Variants in CSMD3 observed in about 807,000 individuals in gnomAD.
CSMD3 encodes CUB and Sushi multiple domains 3, also known as CUB and sushi domain-containing protein 3.
A neutral mutation model predicts 435.2 loss-of-function variants in CSMD3; 177 were observed. The ratio of observed to expected loss-of-function variants is 0.41; its 90% CI spans 0.36 to 0.46. CSMD3 has a LOEUF of 0.46. CSMD3 is among the 20% of genes least tolerant of loss of function. CSMD3 has a pLI of 0.34. For missense variants in CSMD3, 4,265 were observed against 4,504.6 expected, an observed-to-expected ratio of 0.95 and a Z score of 1.52; for synonymous variants, 1,656 against 1,520.5, an observed-to-expected ratio of 1.09 and a Z score of -2.07.
chr8:112,846,860 T>G (rs2080337028), intron 11 of CSMD3, among the ~76,000 whole-genome samples: 1 of 152,102 alleles, frequency 6.6e-6, no homozygotes. Context: ...TAGGAATAGT[T>G]AAGGTACTGC....
chr8:113,135,760 T>G (rs1033061974), intron 4 of CSMD3, among the ~76,000 whole-genome samples: 3 of 151,866 alleles, frequency 2.0e-5, no homozygotes, highest in Non-Finnish European at 4.4e-5. Flanking sequence ...AATTAGGAAC[T>G]CTTAGAGAAT....
At chr8:112,692,055 G>A (rs1056038636) in intron 13 of CSMD3, among the ~76,000 whole-genome samples, 5 of 151,834 alleles carry the variant, frequency 3.3e-5, no homozygotes, top group African/African-American at 1.2e-4. Flanking sequence ...CGCCCTCCTT[G>A]GTCTCCCAAA....
intron 17 of CSMD3, among the ~76,000 whole-genome samples, chr8:112,665,229 C>T (rs1029996945): frequency 2.0e-5 from 3 of 152,132 alleles, no homozygotes; most frequent in African/African-American, 7.2e-5. Flanking sequence ...TAAATACTTT[C>T]TGCCCATTTG....
intron 26 of CSMD3, among the ~76,000 whole-genome samples, chr8:112,551,493 C>T (rs1358151672): frequency 6.6e-6 from 1 of 152,074 alleles, no homozygotes; most frequent in Non-Finnish European, 1.5e-5. Flanking sequence ...ACATGCTCAA[C>T]TCTACATACA....
chr8:113,348,528 G>C (rs1267507582), intron 1 of CSMD3, among the ~76,000 whole-genome samples: 1 of 152,054 alleles, frequency 6.6e-6, no homozygotes, highest in Non-Finnish European at 1.5e-5. Flanking sequence ...GATGAAGCAG[G>C]GAGGAAGATG....
chr8:112,387,234 C>T (rs1050932547), intron 36 of CSMD3, among the ~76,000 whole-genome samples: 25 of 152,004 alleles, frequency 1.6e-4, no homozygotes, highest in East Asian at 1.3e-3. Flanking sequence ...TTCAATTATT[C>T]TATATTATTG....
At chr8:112,832,332 T>C (rs1366888956) in intron 11 of CSMD3, among the ~76,000 whole-genome samples, 1 of 152,118 alleles carries the variant, frequency 6.6e-6, no homozygotes, top group African/African-American at 2.4e-5. Flanking sequence ...TATGATTAGT[T>C]TATATTATAT....
At chr8:112,664,530 G>A (rs558869507) in intron 17 of CSMD3, among the ~76,000 whole-genome samples, 3 of 152,248 alleles carry the variant, frequency 2.0e-5, no homozygotes, top group Admixed American at 6.5e-5. Context: ...ACAACAAAAT[G>A]CCAAATGAAT....
intron 13 of CSMD3, among the ~76,000 whole-genome samples, chr8:112,793,823 C>T (rs1184162000): frequency 6.6e-6 from 1 of 152,154 alleles, no homozygotes; most frequent in African/African-American, 2.4e-5. Context: ...TTTACTCATT[C>T]AGGTAAGTTA....
intron 3 of CSMD3, among the ~76,000 whole-genome samples, chr8:113,244,945 T>C (rs1361660640): frequency 1.3e-5 from 2 of 152,188 alleles, no homozygotes; most frequent in African/African-American, 2.4e-5. Context: ...CTTTCATTTA[T>C]GTCAATTTTT....
At chr8:112,236,075 T>C (rs1460486219) in intron 67 of CSMD3, among the ~76,000 whole-genome samples, 1 of 151,990 alleles carries the variant, frequency 6.6e-6, no homozygotes, top group African/African-American at 2.4e-5. Context: ...AAAATTATAC[T>C]ACATATTAAC....
chr8:112,524,601 CAT>C (rs971358694), intron 27 of CSMD3, among the ~76,000 whole-genome samples: 1 of 151,756 alleles, frequency 6.6e-6, no homozygotes, highest in East Asian at 1.9e-4. Context: ...AAAATAATAA[CAT>C]GTGTATCAAA....
intron 27 of CSMD3, among the ~76,000 whole-genome samples, chr8:112,549,771 T>C (rs1266710943): frequency 6.6e-6 from 1 of 152,036 alleles, no homozygotes; most frequent in Non-Finnish European, 1.5e-5. Context: ...TTGTTATTCC[T>C]ACGTCAATTA....
Position 112,314,608 on chromosome 8 carries a change from G to A in CSMD3, c.7370C>T (p.Pro2457Leu), listed in dbSNP as rs768839533. The change falls in exon 48 of 71, where the codon CCT (proline) becomes CTT (leucine). Residue 2457 changes from proline (P) to leucine (L), a missense_variant. Around this residue, in one of 3 missense-constraint regions of CSMD3, gnomAD observed 3,255 missense variants for 3,380.2 expected, o/e 0.96. Coordinates refer to ENST00000297405, the MANE Select transcript of CSMD3 (RefSeq NM_198123.2). ...AGAATCTAGCCGTAATTCATTGGCA[G>A]GACAGAGCACTGTCAAAGAAAAATG... ...GAPPVCQVLC[P>L]ANELRLDSTG... 2 of 1,611,216 alleles carry A rather than the reference G, an allele frequency of 1.2e-6. No homozygotes were observed. The highest frequency in any genetic ancestry group is 1.3e-5 in the African/African-American group (1 of 74,798).
At chr8:112,658,894 G>T (rs1227545241) in intron 17 of CSMD3, among the ~76,000 whole-genome samples, 1 of 152,112 alleles carries the variant, frequency 6.6e-6, no homozygotes, top group Admixed American at 6.5e-5. Context: ...GGCGGAGGTT[G>T]CAGTGGGCCG....
chr8:112,356,954 T>C (rs1313100694), intron 38 of CSMD3, among the ~76,000 whole-genome samples: 1 of 151,986 alleles, frequency 6.6e-6, no homozygotes, highest in Non-Finnish European at 1.5e-5. Context: ...ATATCGTAAA[T>C]TGGTACCAGT....
At chr8:112,439,303 G>T (rs371689454) in intron 32 of CSMD3, among the ~76,000 whole-genome samples, 10 of 152,026 alleles carry the variant, frequency 6.6e-5, no homozygotes, top group Non-Finnish European at 1.0e-4. Context: ...ACCATGCCTG[G>T]CTAATTTTTT....
At chr8:112,269,649 T>C (rs1817280993) in intron 59 of CSMD3, among the ~76,000 whole-genome samples, 1 of 152,150 alleles carries the variant, frequency 6.6e-6, no homozygotes, top group East Asian at 1.9e-4. Flanking sequence ...AAGGATCCCC[T>C]TATAATTAAT....
chr8:113,416,285 T>C (rs1009574080), intron 1 of CSMD3, among the ~76,000 whole-genome samples: 20 of 152,158 alleles, frequency 1.3e-4, no homozygotes, highest in Non-Finnish European at 1.8e-4. Context: ...TTGGTCGTAG[T>C]TGTTCTACAA....
Sources: allele counts gnomAD v4.1 joint callset (sites outside exome capture counted in the v4.1 genomes callset), GRCh38; gene constraint gnomAD v4.1.1; regional missense constraint gnomAD v4.1.1; transcripts MANE v1.5; gene names NCBI Gene and HGNC (gene_info 2026-07-23, HGNC 2026-07-21).